The following ABR variants were observed in gnomAD, a reference collection of about 807,000 sequenced individuals.
The protein encoded by ABR is ABR activator of RhoGEF and GTPase.
Under a neutral mutation model 107.2 loss-of-function variants are expected in ABR, and 35 were observed. The observed-to-expected ratio is 0.33, with a 90% CI of 0.25 to 0.43. The LOEUF (loss-of-function observed/expected upper bound fraction) is 0.43, where lower values mean the gene tolerates loss of function less well. ABR is among the 20% of genes least tolerant of loss of function. The pLI is 1.00. For missense variants in ABR, 815 were observed against 1,115.2 expected (o/e 0.73, Z 3.83); for synonymous variants, 498 against 462.0 (o/e 1.08, Z -1.00).
intron 1 of ABR, among the ~76,000 whole-genome samples, chr17:1,137,129 T>C (rs947773640): frequency 7.2e-5 from 11 of 151,850 alleles, no homozygotes; most frequent in African/African-American, 2.7e-4. Context: ...CTGCAACCTC[T>C]GCCTCCCAGG....
chr17:1,012,905 ACACCCAG>A, intron 17 of ABR, 108 bp from the exon 18 acceptor site: 2 of 1,101,036 alleles, frequency 1.8e-6, no homozygotes, highest in South Asian at 2.7e-5. Context: ...GGGCTAGCTC[ACACCCAG>A]GTCTCCCTCA....
At chr17:1,215,984 G>C (rs892877326) in intron 1 of ABR, among the ~76,000 whole-genome samples, 5 of 134,732 alleles carry the variant, frequency 3.7e-5, no homozygotes, top group African/African-American at 5.3e-5. Context: ...CAGCGTGCTC[G>C]TTAAGAGTCA....
At chr17:1,042,514 G>A (rs2030763384) in intron 16 of ABR, among the ~76,000 whole-genome samples, 1 of 67,204 alleles carries the variant, frequency 1.5e-5, no homozygotes, top group African/African-American at 4.8e-5. Flanking sequence ...TACATCCACG[G>A]ACGGATGGAT....
intron 1 of ABR, among the ~76,000 whole-genome samples, chr17:1,207,902 T>C (rs887661218): frequency 3.3e-5 from 5 of 151,630 alleles, no homozygotes; most frequent in African/African-American, 1.2e-4. Flanking sequence ...CCCGAGTAGC[T>C]GGGATTACAA....
chr17:1,009,296 A>G (rs1005552170), intron 21 of ABR, among the ~76,000 whole-genome samples: 2 of 111,922 alleles, frequency 1.8e-5, no homozygotes, highest in African/African-American at 7.0e-5. Context: ...CCCCCACTGC[A>G]TCTAGAAATG....
At chr17:1,211,444 G>C (rs1415757553) in intron 1 of ABR, among the ~76,000 whole-genome samples, 1 of 152,178 alleles carries the variant, frequency 6.6e-6, no homozygotes, top group Non-Finnish European at 1.5e-5. Context: ...CTTGCAGTCA[G>C]TCCTTATCTA....
chr17:1,083,750 T>C (rs2036416220), intron 4 of ABR, 123 bp from the exon 5 acceptor site: 2 of 772,156 alleles, frequency 2.6e-6, no homozygotes, highest in South Asian at 2.9e-5. Context: ...ACTCAGCTCG[T>C]TGGGAACTTG....
chr17:1,162,025 G>A (rs898157331), intron 1 of ABR, among the ~76,000 whole-genome samples: 10 of 152,158 alleles, frequency 6.6e-5, no homozygotes, highest in Non-Finnish European at 1.0e-4. Flanking sequence ...AGTGCTGCAC[G>A]GACTTTACAT....
At chr17:1,214,716 G>A (rs562597331) in intron 1 of ABR, among the ~76,000 whole-genome samples, 73 of 151,836 alleles carry the variant, frequency 4.8e-4, no homozygotes, top group African/African-American at 1.7e-3. Flanking sequence ...CAGGAGAATC[G>A]CTTGAACCTG....
chr17:1,185,420 G>A (rs571197909), intron 1 of ABR, among the ~76,000 whole-genome samples: 24 of 152,132 alleles, frequency 1.6e-4, no homozygotes, highest in African/African-American at 4.1e-4. Flanking sequence ...CGAGGCCAGC[G>A]GGTCACCTGA....
Position 1,023,251 on chromosome 17 carries a change from G to A in ABR, c.1792-10087C>T, listed in dbSNP as rs115585193. On this transcript the variant is annotated intron_variant, in intron 16 of 22. Coordinates refer to ENST00000302538, the MANE Select transcript of ABR (RefSeq NM_021962.5). The stretch of plus-strand genomic sequence containing the variant: ...GGCACCCACTTTGCTTTTAGCCCCC[G>A]GGCTGGGCATGGCTGACCTTGAGGA... Among the ~76,000 whole-genome samples the A allele has an allele frequency of 8.9e-3, 1,359 of 152,306 alleles. 18 individuals carry two copies. Among genetic ancestry groups the A allele is most frequent in the African/African-American group, 0.031 (1,291 of 41,530 alleles).
intron 2 of ABR, among the ~76,000 whole-genome samples, chr17:1,102,220 C>G (rs554756860): frequency 3.0e-4 from 46 of 152,178 alleles, no homozygotes; most frequent in Non-Finnish European, 6.8e-4. Context: ...TCAAAGGTCT[C>G]TAGCTTTCGG....
intron 1 of ABR, among the ~76,000 whole-genome samples, chr17:1,167,462 G>C (rs1009275608): frequency 1.3e-5 from 2 of 152,196 alleles, no homozygotes; most frequent in South Asian, 4.1e-4. Context: ...TGCGGGGAAG[G>C]GAGAACCACC....
rs1262052264 is a variant in ABR at position 1,071,711 on chromosome 17, A to G, written c.894+903T>C. On this transcript the variant is annotated intron_variant, in intron 8 of 22. Transcript: ENST00000302538. This position sits in a 1 kb window ranked among gnomAD's most constrained non-coding sequence, Gnocchi z 5.1. ...CAAGCTCCTGCTCCCTTCGCTTCCT[A>G]GGAGACCCTGACGGCATCACACTGG... is the stretch of plus-strand genomic sequence containing the variant. Among the ~76,000 whole-genome samples the G allele has an allele frequency of 6.6e-6, 1 of 152,156 alleles. No homozygotes were observed. The highest frequency in any genetic ancestry group is 1.5e-5 in the Non-Finnish European group (1 of 67,992).
At chr17:1,195,189 C>T (rs1399446874) in intron 1 of ABR, among the ~76,000 whole-genome samples, 2 of 145,558 alleles carry the variant, frequency 1.4e-5, no homozygotes, top group Admixed American at 1.5e-4. Flanking sequence ...CGCCTGTAGT[C>T]CCAGCTACTC....
intron 9 of ABR, among the ~76,000 whole-genome samples, chr17:1,067,543 C>G (rs965572387): frequency 7.9e-5 from 12 of 152,230 alleles, no homozygotes; most frequent in Non-Finnish European, 1.8e-4. Flanking sequence ...AAGAGCGAAG[C>G]CTTCCTGGCT....
intron 16 of ABR, among the ~76,000 whole-genome samples, chr17:1,041,066 C>T (rs2440051): frequency 0.35 from 52,909 of 151,846 alleles, 9,885 homozygotes; most frequent in East Asian, 0.65. Flanking sequence ...ATTACAGGAG[C>T]GCACCATCAC....
In ABR at chr17:1,070,081, G is replaced by C; in HGVS notation, c.904C>G (p.Leu302Val). The C allele has an allele frequency of 6.2e-7, 1 of 1,613,754 alleles. No homozygotes were observed. The change falls in exon 9 of 23, where the codon CTG becomes GTG. Residue 302 changes from leucine to valine, a missense_variant. This residue lies in a region of ABR where 385 missense variants were observed against 596.9 expected (regional missense o/e 0.64). Transcript: ENST00000302538. The surrounding 1 kb of genome is among the most constrained non-coding windows in gnomAD (Gnocchi z 4.2). ...TCCACCAGGAAGCCGTCCTTCACCAGCTGTCGCGTCTGAGGGAGATGGCAG... is the reference window on the plus strand; with the variant it reads ...TCCACCAGGAAGCCGTCCTTCACCACCTGTCGCGTCTGAGGGAGATGGCAG... The part of the protein sequence containing the change: ...VTTPKGETRQ[L>V]VKDGFLVEVS...
At chr17:1,101,852 G>A (rs2037902532) in intron 2 of ABR, among the ~76,000 whole-genome samples, 1 of 151,624 alleles carries the variant, frequency 6.6e-6, no homozygotes, top group African/African-American at 2.4e-5. Context: ...TCCTGCCTCA[G>A]CCTCCCGAGT....
Sources: allele counts gnomAD v4.1 joint callset (sites outside exome capture counted in the v4.1 genomes callset), GRCh38; gene constraint gnomAD v4.1.1; regional missense constraint gnomAD v4.1.1; non-coding constraint Gnocchi (gnomAD v3.1); transcripts MANE v1.5; gene names NCBI Gene and HGNC (gene_info 2026-07-23, HGNC 2026-07-21).